CELF2: variants seen among roughly 807,000 people sequenced by gnomAD.
CELF2 encodes the protein CUGBP Elav-like family member 2.
In CELF2, 8 loss-of-function variants were observed where a neutral mutation model predicts 62.6. The ratio of observed to expected loss-of-function variants is 0.13; its 90% CI spans 0.07 to 0.23. CELF2 has a LOEUF of 0.23. Ranked by LOEUF, CELF2 falls within the 10% of genes least tolerant of loss-of-function variation. CELF2 has a pLI of 1.00. For synonymous variants in CELF2, 258 were observed against 250.0 expected (o/e 1.03, Z -0.30); for missense variants, 333 against 671.0 (o/e 0.50, Z 5.56).
chr10:11,240,662 C>T (rs1589659236), intron 3 of CELF2, among the ~76,000 whole-genome samples: 1 of 152,170 alleles, frequency 6.6e-6, no homozygotes, highest in Non-Finnish European at 1.5e-5. Context: ...TTCATAAAAC[C>T]CAAACAGTAA....
chr10:11,142,138 A>T (rs375792134), intron 1 of CELF2, among the ~76,000 whole-genome samples: 2 of 152,258 alleles, frequency 1.3e-5, no homozygotes, highest in African/African-American at 4.8e-5. Flanking sequence ...CAGATGGCTT[A>T]CATAGATGAC....
chr10:11,127,470 C>A (rs1207929457), intron 1 of CELF2, among the ~76,000 whole-genome samples: 1 of 152,354 alleles, frequency 6.6e-6, no homozygotes, highest in Admixed American at 6.5e-5. Context: ...AATCACCACA[C>A]TGTCTTCCAC....
In CELF2 at chr10:11,012,078, A is replaced by G. The variant is rs943918896; in HGVS notation, c.53+6638A>G. Among the ~76,000 whole-genome samples the G allele has an allele frequency of 1.3e-5, 2 of 152,264 alleles. No homozygotes were observed. The highest frequency in any genetic ancestry group is 1.3e-4 in the Admixed American group (2 of 15,284). ...AGGAAGTACGGAATGGCCACGCTTA[A>G]GAAGAAAGGTCTAGCTGATGAATCA... On this transcript the variant is annotated intron_variant, in intron 1 of 12. Transcript: ENST00000416382. The surrounding 1 kb of genome is among the most constrained non-coding windows in gnomAD (Gnocchi z 5.5).
At chr10:10,694,192 A>G in the CELF2 span, among the ~76,000 whole-genome samples, 1 of 151,716 alleles carries the variant, frequency 6.6e-6, no homozygotes, top group Non-Finnish European at 1.5e-5. Context: ...AATGCGTCCC[A>G]GAGATTCTGG....
the CELF2 span, among the ~76,000 whole-genome samples, chr10:10,666,586 G>GTTTAACCTTTAGCCTATTTTCA: frequency 2.2e-5 from 3 of 138,302 alleles, no homozygotes; most frequent in South Asian, 2.8e-4. Flanking sequence ...AAAGAGGCCG[G>GTTTAACCTTTAGCCTATTTTCA]GCGCGGTGGC....
chr10:11,070,389 C>T (rs985282982), intron 1 of CELF2, among the ~76,000 whole-genome samples: 1 of 152,028 alleles, frequency 6.6e-6, no homozygotes, highest in Non-Finnish European at 1.5e-5. Context: ...ATTTCTTCCC[C>T]GATTCTAAGA....
In CELF2 at chr10:11,285,826, GGT is replaced by G. The variant is rs71378788; in HGVS notation, c.842-2541_842-2540del. ...TTGCTCATCACCTACTATATATATTGGTGTGTGTGTGTGTGTGTGTGTGTGTG... is the reference window on the plus strand; with the variant it reads ...TTGCTCATCACCTACTATATATATTGGTGTGTGTGTGTGTGTGTGTGTGTG... On this transcript the variant is annotated intron_variant, in intron 8 of 12. Coordinates refer to ENST00000633077, the MANE Select transcript of CELF2 (RefSeq NM_001326342.2). This position sits in a 1 kb window ranked among gnomAD's most constrained non-coding sequence, Gnocchi z 4.3. 2.1e-3 allele frequency among the ~76,000 whole-genome samples: 273 copies of G among 128,788 alleles called. 1 individual carries two copies. Among genetic ancestry groups the G allele is most frequent in the Middle Eastern group, 7.5e-3 (2 of 268 alleles). 84.5% of individuals were successfully genotyped at this position (128,788 alleles called of 152,430 possible).
At chr10:11,210,723 T>C (rs1238081043) in intron 2 of CELF2, among the ~76,000 whole-genome samples, 1 of 152,212 alleles carries the variant, frequency 6.6e-6, no homozygotes, top group Non-Finnish European at 1.5e-5. Context: ...CCAGCCTTGC[T>C]ACGCGGGGTC....
At chr10:10,495,925 A>G in the CELF2 span, among the ~76,000 whole-genome samples, 10 of 152,234 alleles carry the variant, frequency 6.6e-5, no homozygotes, top group African/African-American at 1.2e-4. Flanking sequence ...TGATATTCCA[A>G]CCTGTGTGGA....
the CELF2 span, among the ~76,000 whole-genome samples, chr10:10,519,729 T>C: frequency 6.6e-6 from 1 of 152,066 alleles, no homozygotes; most frequent in Non-Finnish European, 1.5e-5. Context: ...CAAATGAAAA[T>C]GGTGAGTTGG....
intron 1 of CELF2, among the ~76,000 whole-genome samples, chr10:10,860,358 C>T (rs1323737408): frequency 6.6e-6 from 1 of 152,144 alleles, no homozygotes; most frequent in African/African-American, 2.4e-5. Flanking sequence ...CACAGGTGTC[C>T]CCAGGCCACC....
chr10:11,033,064 G>A (rs553032016), intron 1 of CELF2, among the ~76,000 whole-genome samples: 14 of 152,228 alleles, frequency 9.2e-5, no homozygotes, highest in African/African-American at 2.9e-4. Flanking sequence ...ACAGTGCATC[G>A]ACAAGGGTGT....
chr10:11,040,698 C>T (rs1243737329), intron 1 of CELF2, among the ~76,000 whole-genome samples: 3 of 152,112 alleles, frequency 2.0e-5, no homozygotes, highest in Admixed American at 6.5e-5. Context: ...TATATCCCCA[C>T]TCATGGAAAT....
rs140163363 is a variant in CELF2 at position 11,302,428 on chromosome 10, G to A, written c.977-11711G>A. On this transcript the variant is annotated intron_variant, in intron 9 of 12. Coordinates refer to ENST00000633077, the MANE Select transcript of CELF2 (RefSeq NM_001326342.2). The surrounding 1 kb of genome is among the most constrained non-coding windows in gnomAD (Gnocchi z 5.0). Reference sequence around the variant, plus strand: ...AGTGAGGGGAGCCCCAGGTGGTGCCGATGCGGGCGAGGCTGTAACTTTACA... The same window carrying A: ...AGTGAGGGGAGCCCCAGGTGGTGCCAATGCGGGCGAGGCTGTAACTTTACA... 7.1e-3 allele frequency among the ~76,000 whole-genome samples: 1,079 copies of A among 152,304 alleles called. 11 individuals carry two copies. Among genetic ancestry groups the A allele is most frequent in the African/African-American group, 0.025 (1,031 of 41,540 alleles).
chr10:10,509,361 C>A, the CELF2 span, among the ~76,000 whole-genome samples: 25 of 152,154 alleles, frequency 1.6e-4, no homozygotes, highest in Non-Finnish European at 5.9e-5. Context: ...GAAGTGGGAA[C>A]TTTAGGAGGT....
chr10:10,625,706 C>T, the CELF2 span, among the ~76,000 whole-genome samples: 11 of 152,288 alleles, frequency 7.2e-5, no homozygotes, highest in African/African-American at 2.2e-4. Context: ...TGCATCCTTC[C>T]CCTTCAATCC....
chr10:11,132,448 G>T (rs958055114), intron 1 of CELF2, among the ~76,000 whole-genome samples: 7 of 152,176 alleles, frequency 4.6e-5, no homozygotes, highest in African/African-American at 1.7e-4. Context: ...ATTAGCTCAA[G>T]AGCACAACCA....
chr10:11,317,070 A>G (rs1481159629), intron 10 of CELF2: 25 of 151,998 alleles, frequency 1.6e-4, no homozygotes, highest in Non-Finnish European at 1.5e-5. Flanking sequence ...ATCTGATTTT[A>G]TGTGTTTCAG....
the CELF2 span, among the ~76,000 whole-genome samples, chr10:10,545,780 C>T: frequency 6.6e-6 from 1 of 152,126 alleles, no homozygotes; most frequent in African/African-American, 2.4e-5. Flanking sequence ...AAGTTCAACA[C>T]TTTTAGGGTG....
Sources: allele counts gnomAD v4.1 joint callset (sites outside exome capture counted in the v4.1 genomes callset), GRCh38; gene constraint gnomAD v4.1.1; non-coding constraint Gnocchi (gnomAD v3.1); transcripts MANE v1.5; gene names NCBI Gene and HGNC (gene_info 2026-07-23, HGNC 2026-07-21).